Variants in DNAH14 observed in about 807,000 individuals in gnomAD.
DNAH14 encodes the protein axonemal beta dynein heavy chain 14.
DNAH14 carries 478 observed loss-of-function variants against 520.9 expected under a neutral mutation model. The ratio of observed to expected loss-of-function variants is 0.92; its 90% confidence interval spans 0.85 to 0.99. DNAH14 has a LOEUF of 0.99. Ranked by LOEUF, DNAH14 falls within the 50% of genes least tolerant of loss-of-function variation. The pLI, the probability that DNAH14 is intolerant of heterozygous loss-of-function variation, is 0.00. For synonymous variants in DNAH14, 1,581 were observed against 1,757.2 expected, an observed-to-expected ratio of 0.90 and a Z score of 2.51; for missense variants, 4,831 against 5,234.5, an observed-to-expected ratio of 0.92 and a Z score of 2.38.
At chr1:225,266,064 A>G (rs1335172534) in intron 48 of DNAH14, among the ~76,000 whole-genome samples, 1 of 152,148 alleles carries the variant, frequency 6.6e-6, no homozygotes, top group Non-Finnish European at 1.5e-5. Flanking sequence ...GATTACAATC[A>G]GTACACTTCA....
At chr1:225,394,856 AAAAG>A (rs2095983906) in intron 84 of DNAH14, among the ~76,000 whole-genome samples, 2 of 151,928 alleles carry the variant, frequency 1.3e-5, no homozygotes, top group Non-Finnish European at 2.9e-5. Flanking sequence ...AAAAAAAAAA[AAAAG>A]GAGAATTGAG....
Position 225,018,628 on chromosome 1 carries a change from A to C in DNAH14, c.1108-4987A>C, listed in dbSNP as rs879360751. 5.9e-5 allele frequency among the ~76,000 whole-genome samples: 9 copies of C among 152,320 alleles called. No homozygotes were observed. In the East Asian group the frequency reaches 1.7e-3, roughly 29 times the overall value. ...AAATTCTCCAAGGTCAACATGAAAG[A>C]AAAAATCTTAAAGGGAGTTAGAGAG... On this transcript the variant is annotated intron_variant, in intron 10 of 85. Coordinates refer to ENST00000682510, the MANE Select transcript of DNAH14 (RefSeq NM_001367479.1).
In DNAH14 at chr1:225,318,598, C is replaced by T. The variant is rs995977077; in HGVS notation, c.9256C>T (p.Leu3086=). The part of the protein sequence containing the change: ...EDYAQKTANE[L]KSVLPAFDKA... The stretch of plus-strand genomic sequence containing the variant: ...TTTATTGCAGAAAACTGCCAATGAA[C>T]TAAAAAGTGTGCTGCCAGCCTTTGA... Residue 3086 remains leucine, a synonymous_variant, in exon 61 of 86, where the codon CTA becomes TTA. Transcript: ENST00000682510. 6.5e-7 allele frequency: 1 copy of T among 1,546,564 alleles called. No homozygotes were observed. Among genetic ancestry groups the T allele is most frequent in the Admixed American group, 2.0e-5 (1 of 50,288 alleles).
At chr1:225,127,245 T>A (rs1246624112) in intron 27 of DNAH14, among the ~76,000 whole-genome samples, 4 of 152,102 alleles carry the variant, frequency 2.6e-5, no homozygotes, top group African/African-American at 9.7e-5. Context: ...AGAGCTGAGT[T>A]CAATTCCTGG....
chr1:225,102,304 G>C (rs1052742512), intron 23 of DNAH14, among the ~76,000 whole-genome samples: 7 of 151,946 alleles, frequency 4.6e-5, no homozygotes, highest in African/African-American at 1.7e-4. Flanking sequence ...TGGACATTTG[G>C]CTTGGTTCCA....
intron 12 of DNAH14, among the ~76,000 whole-genome samples, chr1:225,040,461 A>G (rs2067377397): frequency 1.3e-5 from 2 of 152,268 alleles, no homozygotes; most frequent in Admixed American, 6.5e-5. Flanking sequence ...TGTACAATGC[A>G]TATGTATTTT....
intron 37 of DNAH14, among the ~76,000 whole-genome samples, chr1:225,189,722 G>A (rs766419954): frequency 6.6e-6 from 1 of 151,728 alleles, no homozygotes; most frequent in Non-Finnish European, 1.5e-5. Context: ...CATATATTTG[G>A]ATCATGTTTT....
intron 8 of DNAH14, among the ~76,000 whole-genome samples, chr1:224,974,592 C>G (rs1487059107): frequency 6.6e-6 from 1 of 152,070 alleles, no homozygotes. Flanking sequence ...CCCAGTTTCC[C>G]TCCCAAATGT....
chr1:225,003,183 G>A (rs2063898060), intron 9 of DNAH14, among the ~76,000 whole-genome samples: 1 of 151,924 alleles, frequency 6.6e-6, no homozygotes, highest in South Asian at 2.1e-4. Context: ...TTCCGAATGT[G>A]TAATATGATT....
intron 60 of DNAH14, among the ~76,000 whole-genome samples, chr1:225,315,163 C>G (rs2094443637): frequency 6.6e-6 from 1 of 151,650 alleles, no homozygotes; most frequent in African/African-American, 2.4e-5. Context: ...TCTAGTCTTG[C>G]CTTCATGCTT....
chr1:225,070,674 A>G (rs2071450092), intron 17 of DNAH14, among the ~76,000 whole-genome samples: 1 of 152,136 alleles, frequency 6.6e-6, no homozygotes, highest in Non-Finnish European at 1.5e-5. Flanking sequence ...GAAAAGAAGT[A>G]TATTCTATTG....
intron 41 of DNAH14, among the ~76,000 whole-genome samples, chr1:225,212,475 C>T (rs2088593750): frequency 6.6e-6 from 1 of 152,134 alleles, no homozygotes; most frequent in Admixed American, 6.5e-5. Context: ...CCTGAGGAAT[C>T]GCCACACTGT....
intron 41 of DNAH14, among the ~76,000 whole-genome samples, chr1:225,214,873 G>A (rs935748910): frequency 6.6e-6 from 1 of 152,046 alleles, no homozygotes; most frequent in African/African-American, 2.4e-5. Context: ...TGGATTCATT[G>A]ATTTTTTGAA....
intron 27 of DNAH14, among the ~76,000 whole-genome samples, chr1:225,126,430 T>C (rs1049920068): frequency 1.5e-4 from 23 of 152,216 alleles, no homozygotes; most frequent in Non-Finnish European, 1.6e-4. Flanking sequence ...CCTGGTTTAG[T>C]CTTGGAAGAG....
Position 225,276,994 on chromosome 1 carries a change from GAA to G in DNAH14, c.8179-415_8179-414del, listed in dbSNP as rs1491247253. On this transcript the variant is annotated intron_variant, in intron 53 of 85. Coordinates refer to ENST00000682510, the MANE Select transcript of DNAH14 (RefSeq NM_001367479.1). ...GGAAGGAAGGAAGGAAGGGAGGGAGGAAGGAAGGGAGGGAGGGAGGGAGGGAG... is the reference window on the plus strand; with the variant it reads ...GGAAGGAAGGAAGGAAGGGAGGGAGGGGAAGGGAGGGAGGGAGGGAGGGAG... Among the ~76,000 whole-genome samples the G allele has an allele frequency of 8.2e-3, 517 of 62,980 alleles. 18 individuals carry two copies. Among genetic ancestry groups the G allele is most frequent in the African/African-American group, 0.043 (442 of 10,364 alleles). The allele number at this position is 62,980 out of a possible 152,430, so 41.3% of individuals were successfully genotyped here.
rs1305947031 is a variant in DNAH14, at chr1:225,079,319, AAG to A, written c.2540_2541del (p.Glu847ValfsTer32). ...TCCTCAAAAATATCTAAATTAGAAA[AAG>A]AGTTCTTAACAATGTCTCAGCTATA... is the stretch of plus-strand genomic sequence containing the variant. On this transcript the variant is annotated frameshift_variant, in exon 18 of 86. Coordinates refer to ENST00000682510, the MANE Select transcript of DNAH14 (RefSeq NM_001367479.1). LOFTEE classifies it high-confidence loss of function. 15 of 1,550,112 alleles carry A rather than the reference AAG, an allele frequency of 9.7e-6. No homozygotes were observed. Among genetic ancestry groups the A allele is most frequent in the South Asian group, 4.8e-5 (4 of 83,592 alleles).
chr1:225,217,538 G>T (rs1014949725), intron 41 of DNAH14, among the ~76,000 whole-genome samples: 2 of 152,130 alleles, frequency 1.3e-5, no homozygotes, highest in Non-Finnish European at 2.9e-5. Flanking sequence ...CTTGAGCTGC[G>T]GTGGGCTCCA....
rs886451153 is a variant in DNAH14, at chr1:225,350,931, A to G, written c.11297-716A>G. ...GATACTAAAGCCAGACAAAGATACT[A>G]CAAGTAAACTACAGACCAATATTTC... On this transcript the variant is annotated intron_variant, in intron 71 of 85. Transcript: ENST00000682510. 7.9e-5 allele frequency among the ~76,000 whole-genome samples: 12 copies of G among 152,336 alleles called. No individual in the cohort carries two copies. The South Asian group carries it at 1.2e-3, about 16-fold the overall frequency.
chr1:225,169,167 A>G (rs61849845), intron 36 of DNAH14, among the ~76,000 whole-genome samples: 2,810 of 152,326 alleles, frequency 0.018, 30 homozygotes, highest in Non-Finnish European at 0.027. Context: ...ATCAAAGACC[A>G]AAGGTAGATA....
Sources: allele counts gnomAD v4.1 joint callset (sites outside exome capture counted in the v4.1 genomes callset), GRCh38; gene constraint gnomAD v4.1.1; transcripts MANE v1.5; gene names NCBI Gene and HGNC (gene_info 2026-07-23, HGNC 2026-07-21).